The following SLC41A3 variants were observed in gnomAD, a reference collection of about 807,000 sequenced individuals.
The protein encoded by SLC41A3 is SLC41A1-like 2.
SLC41A3 carries 44 observed loss-of-function variants against 45.4 expected under a neutral mutation model. The ratio of observed to expected loss-of-function variants is 0.97; its 90% CI spans 0.76 to 1.25. SLC41A3 has a LOEUF of 1.25. Ranked by LOEUF, SLC41A3 falls within the 50% of genes most tolerant of loss-of-function variation. SLC41A3 has a pLI of 0.00. For missense variants in SLC41A3, 550 were observed against 600.6 expected, an observed-to-expected ratio of 0.92 and a Z score of 0.88; for synonymous variants, 256 against 252.4, an observed-to-expected ratio of 1.01 and a Z score of -0.13.
chr3:126,095,096 A>G lies in SLC41A3; in HGVS notation c.-79+6333T>C, dbSNP rs1945568516. ...AAACCAGCTGCAAAGCCAGAAGCAG[A>G]ACAACTGATTTGGTGGTGAGATCCA... On this transcript the variant is annotated intron_variant, in intron 1 of 9. Coordinates refer to the SLC41A3 transcript ENST00000508835. The G allele has an allele frequency of 1.1e-5, 6 of 566,774 alleles. No individual in the cohort carries two copies. The South Asian group carries it at 1.4e-4, about 13-fold the overall frequency. 35.1% of individuals were successfully genotyped at this position (566,774 alleles called of 1,614,324 possible).
intron 1 of SLC41A3, among the ~76,000 whole-genome samples, chr3:126,096,525 A>G (rs1945606076): frequency 6.6e-6 from 1 of 152,246 alleles, no homozygotes; most frequent in Non-Finnish European, 1.5e-5. Flanking sequence ...AGGGCAAGGA[A>G]CACCTGGCCT....
intron 2 of SLC41A3, among the ~76,000 whole-genome samples, chr3:126,067,058 C>T (rs1248593646): frequency 6.6e-6 from 1 of 151,196 alleles, no homozygotes; most frequent in Non-Finnish European, 1.5e-5. Flanking sequence ...GTACATGTCT[C>T]ATCTGTCACT....
intron 1 of SLC41A3, among the ~76,000 whole-genome samples, chr3:126,080,591 G>A (rs7644455): frequency 0.65 from 98,670 of 152,092 alleles, 32,230 homozygotes; most frequent in Middle Eastern, 0.71. Flanking sequence ...AGTGTTCCTC[G>A]TACACTGTTA....
In SLC41A3 at chr3:126,026,172, C is replaced by T. The variant is rs138591931; in HGVS notation, c.598+163G>A. On this transcript the variant is annotated intron_variant, in intron 5 of 10. Coordinates refer to ENST00000360370, the MANE Select transcript of SLC41A3 (RefSeq NM_017836.4). The surrounding 1 kb of genome is among the most constrained non-coding windows in gnomAD (Gnocchi z 4.2). ...AGGGCACAAGGTGGGCCATGAAGAC[C>T]CAGCTGGCTCGTCCCACCCTGCCAG... 1.3e-5 allele frequency: 14 copies of T among 1,109,302 alleles called. No individual in the cohort carries two copies. The East Asian group carries it at 3.1e-4, about 25-fold the overall frequency. 68.7% of individuals were successfully genotyped at this position (1,109,302 alleles called of 1,614,324 possible).
At chr3:126,067,593 G>T in intron 2 of SLC41A3, 1 of 465,550 alleles carries the variant, frequency 2.1e-6, no homozygotes, top group Non-Finnish European at 4.3e-6. Flanking sequence ...AGAACTGTGT[G>T]AAAATAAATG....
intron 2 of SLC41A3, among the ~76,000 whole-genome samples, chr3:126,066,675 T>C (rs749294359): frequency 1.3e-5 from 2 of 152,108 alleles, no homozygotes; most frequent in Non-Finnish European, 2.9e-5. Context: ...TTATAGGAAA[T>C]AGTCACAAAC....
At chr3:126,089,300 A>G (rs1366840011), upstream of SLC41A3, among the ~76,000 whole-genome samples, 1 of 152,188 alleles carries the variant, frequency 6.6e-6, no homozygotes, top group African/African-American at 2.4e-5. Flanking sequence ...TTTTCACCAG[A>G]AAAGGTAAAA....
intron 2 of SLC41A3, among the ~76,000 whole-genome samples, chr3:126,057,741 C>T (rs1943765749): frequency 6.6e-6 from 1 of 152,242 alleles, no homozygotes; most frequent in Non-Finnish European, 1.5e-5. Flanking sequence ...GCACCTGTTC[C>T]CCTCGTGCCC....
intron 1 of SLC41A3, 23 bp downstream of exon 1, chr3:126,084,070 G>T (rs1945309635): frequency 6.6e-6 from 1 of 151,844 alleles, no homozygotes; most frequent in Non-Finnish European, 1.5e-5. Context: ...CCCCAACCCC[G>T]CCCGGAACAG....
chr3:126,046,653 C>G (rs989276675), intron 3 of SLC41A3, among the ~76,000 whole-genome samples: 7 of 152,144 alleles, frequency 4.6e-5, no homozygotes, highest in African/African-American at 1.7e-4. Context: ...GACTGGAAGA[C>G]TTAATATTGT....
At chr3:126,018,241 G>A (rs1442314185) in intron 6 of SLC41A3, among the ~76,000 whole-genome samples, 1 of 152,214 alleles carries the variant, frequency 6.6e-6, no homozygotes, top group East Asian at 1.9e-4. Flanking sequence ...CATAAGTCAT[G>A]TGGAAATGAG....
intron 4 of SLC41A3, among the ~76,000 whole-genome samples, chr3:126,030,489 T>C (rs907393806): frequency 1.3e-5 from 2 of 152,174 alleles, no homozygotes; most frequent in African/African-American, 4.8e-5. Context: ...AGGTATCTTA[T>C]TCATTAACAG....
chr3:126,060,544 T>C (rs1352298776), intron 2 of SLC41A3, among the ~76,000 whole-genome samples: 2 of 152,134 alleles, frequency 1.3e-5, no homozygotes, highest in Non-Finnish European at 2.9e-5. Context: ...TCATAAGTAA[T>C]CTTTATAATT....
Position 126,006,950 on chromosome 3 carries a change from C to A in SLC41A3, c.*66G>T. On this transcript the variant is annotated 3_prime_UTR_variant, in exon 11 of 11. Transcript: ENST00000360370. Reference sequence around the variant, plus strand: ...TCCCAAGGACCTGGCAAGGGAGAAACTGAATTCTGTATCCCACTGATGTGA... The same window carrying A: ...TCCCAAGGACCTGGCAAGGGAGAAAATGAATTCTGTATCCCACTGATGTGA... 1 of 1,603,582 alleles carries A rather than the reference C, an allele frequency of 6.2e-7. No homozygotes were observed. The highest frequency in any genetic ancestry group is 8.5e-7 in the Non-Finnish European group (1 of 1,173,826).
chr3:126,094,605 T>C (rs954575498), intron 1 of SLC41A3, among the ~76,000 whole-genome samples: 1 of 152,144 alleles, frequency 6.6e-6, no homozygotes, highest in Non-Finnish European at 1.5e-5. Context: ...CCTTTAATAC[T>C]CATAGATTTA....
At chr3:126,047,299 G>A (rs926426563) in intron 3 of SLC41A3, among the ~76,000 whole-genome samples, 2 of 151,898 alleles carry the variant, frequency 1.3e-5, no homozygotes, top group African/African-American at 4.8e-5. Flanking sequence ...GGAGGCAGAG[G>A]TTGCAGTAAG....
chr3:126,063,865 C>A (rs116547190), intron 2 of SLC41A3, among the ~76,000 whole-genome samples: 1 of 151,802 alleles, frequency 6.6e-6, no homozygotes, highest in Non-Finnish European at 1.5e-5. Context: ...GGGCCCCTCA[C>A]TTCAACTCCG....
At chr3:126,018,065 C>CCAA (rs1364549399) in intron 6 of SLC41A3, among the ~76,000 whole-genome samples, 1 of 152,202 alleles carries the variant, frequency 6.6e-6, no homozygotes, top group Non-Finnish European at 1.5e-5. Flanking sequence ...ATATGCAATG[C>CCAA]CAATTCCCAA....
chr3:126,096,394 A>C (rs201215586), intron 1 of SLC41A3, among the ~76,000 whole-genome samples: 81 of 103,398 alleles, frequency 7.8e-4, no homozygotes, highest in Admixed American at 1.9e-3. Flanking sequence ...CCCCCACCCC[A>C]AAAAAAAACA....
Sources: allele counts gnomAD v4.1 joint callset (sites outside exome capture counted in the v4.1 genomes callset), GRCh38; gene constraint gnomAD v4.1.1; non-coding constraint Gnocchi (gnomAD v3.1); transcripts MANE v1.5; gene names NCBI Gene and HGNC (gene_info 2026-07-23, HGNC 2026-07-21).